FGF13: variants seen among roughly 807,000 people sequenced by gnomAD.
FGF13 encodes the protein fibroblast growth factor homologous factor 2.
A neutral mutation model predicts 19.5 loss-of-function variants in FGF13; 2 were observed. The ratio of observed to expected loss-of-function variants is 0.10; its 90% CI spans 0.04 to 0.32. The LOEUF (loss-of-function observed/expected upper bound fraction) is 0.32, where lower values mean the gene tolerates loss of function less well. Ranked by LOEUF, FGF13 falls within the 10% of genes least tolerant of loss-of-function variation. FGF13 has a pLI of 1.00. For missense variants in FGF13, 113 were observed against 192.7 expected, an observed-to-expected ratio of 0.59 and a Z score of 2.45; for synonymous variants, 72 against 76.9, an observed-to-expected ratio of 0.94 and a Z score of 0.33.
At chrX:138,739,334 G>T in exon 1 of FGF13, 1 of 1,148,194 alleles carries the variant, frequency 8.7e-7, no homozygotes, top group South Asian at 2.0e-5. Context: ...CACAGAGAGA[G>T]AGGAGATCAG....
At chrX:139,133,747 C>T (rs145324302) in intron 1 of FGF13, among the ~76,000 whole-genome samples, 1,854 of 111,255 alleles carry the variant, frequency 0.017, 19 homozygotes, top group Non-Finnish European at 0.026. Context: ...ATCCAACTTC[C>T]GGCCTCTGAG....
At chrX:138,725,321 T>C (rs1272485500) in intron 1 of FGF13, among the ~76,000 whole-genome samples, 1 of 111,308 alleles carries the variant, frequency 9.0e-6, no homozygotes, top group Non-Finnish European at 1.9e-5. Flanking sequence ...GGGGACCATC[T>C]TGAGTACACG....
intron 1 of FGF13, among the ~76,000 whole-genome samples, chrX:138,886,306 T>A (rs753180031): frequency 8.9e-6 from 1 of 112,481 alleles, no homozygotes; most frequent in South Asian, 3.6e-4. Flanking sequence ...ATCCATTATG[T>A]ACTATTTATT....
chrX:139,090,050 A>G (rs2083429757), intron 1 of FGF13, among the ~76,000 whole-genome samples: 1 of 112,076 alleles, frequency 8.9e-6, no homozygotes. Flanking sequence ...AGGATACAGT[A>G]GGCACTTAAA....
At chrX:138,901,686 G>T (rs1019866509) in intron 1 of FGF13, among the ~76,000 whole-genome samples, 2 of 111,552 alleles carry the variant, frequency 1.8e-5, no homozygotes, top group Non-Finnish European at 1.9e-5. Context: ...AAGTACTGAG[G>T]TTGTTGGTGG....
At chrX:139,012,811 C>A (rs892294609) in intron 1 of FGF13, among the ~76,000 whole-genome samples, 3 of 112,049 alleles carry the variant, frequency 2.7e-5, no homozygotes, top group African/African-American at 3.2e-5. Context: ...ACCAAGAATG[C>A]AAAAGCAAAT....
intron 3 of FGF13, among the ~76,000 whole-genome samples, chrX:138,677,486 AAAAC>A (rs1300136270): frequency 6.3e-5 from 7 of 111,984 alleles, no homozygotes; most frequent in African/African-American, 9.8e-5. Flanking sequence ...TACAAGAAAA[AAAAC>A]AAACAACCCC....
intron 1 of FGF13, among the ~76,000 whole-genome samples, chrX:139,199,294 C>T (rs958510863): frequency 1.1e-4 from 12 of 109,110 alleles, no homozygotes; most frequent in African/African-American, 4.3e-4. Context: ...TACTCTAATG[C>T]ACATGGTTTT....
intron 1 of FGF13, among the ~76,000 whole-genome samples, chrX:138,963,006 A>G (rs1227570555): frequency 9.0e-6 from 1 of 111,225 alleles, no homozygotes; most frequent in African/African-American, 3.4e-5. Flanking sequence ...AAAAACAAAA[A>G]AGAAAAAAAA....
At chrX:139,093,972 T>C (rs2083454663) in intron 1 of FGF13, among the ~76,000 whole-genome samples, 1 of 112,080 alleles carries the variant, frequency 8.9e-6, no homozygotes, top group South Asian at 3.8e-4. Flanking sequence ...CTGGGAGCAA[T>C]GAAATGACTT....
intron 1 of FGF13, among the ~76,000 whole-genome samples, chrX:138,950,409 G>C (rs1431974469): frequency 8.9e-6 from 1 of 112,098 alleles, no homozygotes; most frequent in Non-Finnish European, 1.9e-5. Flanking sequence ...ATGTTAGCTA[G>C]TGCGTTCATA....
chrX:138,618,525 T>A lies in FGF13; in HGVS notation c.*14325A>T, dbSNP rs1251765531. 9.0e-6 allele frequency: 1 copy of A among 111,440 alleles called. No individual in the cohort carries two copies. Among genetic ancestry groups the A allele is most frequent in the East Asian group, 2.8e-4 (1 of 3,510 alleles). 9.2% of individuals were successfully genotyped at this position (111,440 alleles called of 1,213,427 possible). A position where few individuals can be genotyped will look rare whatever the true frequency, so the allele number is the denominator to read the frequency against. ...AAAGGACACATATACTACTAACAAC[T>A]TCACAGACTCCATCAGGAGGCCCAC... On this transcript the variant is annotated 3_prime_UTR_variant, in exon 5 of 5. Coordinates refer to ENST00000315930, the MANE Select transcript of FGF13 (RefSeq NM_004114.5).
intron 3 of FGF13, among the ~76,000 whole-genome samples, chrX:138,770,355 C>A (rs912654054): frequency 9.0e-6 from 1 of 110,655 alleles, no homozygotes; most frequent in Non-Finnish European, 1.9e-5. Flanking sequence ...AATGAGTTAT[C>A]TTGAGGTTTC....
At position 138,887,822 on chromosome X, in the gene FGF13, A is replaced by G. The variant is rs372870509; in HGVS notation, c.-112-23172T>C. Among the ~76,000 whole-genome samples, 21 of 111,884 alleles carry G rather than the reference A, an allele frequency of 1.9e-4. No individual in the cohort carries two copies. The East Asian group carries it at 5.4e-3, about 29-fold the overall frequency. ...GTAGTAACCTCTCTTTTCCTTCCCT[A>G]GCATTTATCCCACTTAAATGTGACT... On this transcript the variant is annotated intron_variant, in intron 1 of 2. Transcript: ENST00000421460.
intron 3 of FGF13, among the ~76,000 whole-genome samples, chrX:138,650,424 C>T (rs1482907111): frequency 1.8e-5 from 2 of 111,796 alleles, no homozygotes; most frequent in Non-Finnish European, 3.8e-5. Flanking sequence ...CTTTCAGAAT[C>T]ACACTTCAGA....
intron 1 of FGF13, among the ~76,000 whole-genome samples, chrX:139,083,949 G>T (rs1173295247): frequency 1.8e-5 from 2 of 111,127 alleles, no homozygotes; most frequent in Non-Finnish European, 3.8e-5. Context: ...GATCTGCACA[G>T]TGCTCAGGAA....
intron 1 of FGF13, among the ~76,000 whole-genome samples, chrX:139,164,339 C>T (rs943579192): frequency 1.3e-4 from 14 of 110,744 alleles, no homozygotes; most frequent in African/African-American, 3.9e-4. Context: ...GGGCCATGTA[C>T]ATTATGGAGA....
At chrX:139,127,068 C>A (rs2083721672) in intron 1 of FGF13, among the ~76,000 whole-genome samples, 1 of 111,407 alleles carries the variant, frequency 9.0e-6, no homozygotes, top group Non-Finnish European at 1.9e-5. Flanking sequence ...AATCTTAGTA[C>A]TAGGAATGGA....
intron 1 of FGF13, among the ~76,000 whole-genome samples, chrX:139,174,755 AAC>A (rs1174692252): frequency 2.2e-4 from 25 of 111,854 alleles, no homozygotes; most frequent in Middle Eastern, 4.6e-3. Context: ...ATTGGTCTAT[AAC>A]TCTGTTTTGG....
Sources: gnomAD v4.1 joint callset for allele counts (sites outside exome capture counted in the v4.1 genomes callset) on GRCh38, gnomAD v4.1.1 for gene constraint, MANE v1.5 for transcripts, NCBI Gene and HGNC (gene_info 2026-07-23, HGNC 2026-07-21) for gene names.